ARHGEF10: variants seen among roughly 807,000 people sequenced by gnomAD.
The protein encoded by ARHGEF10 is Rho guanine nucleotide exchange factor 10.
ARHGEF10 carries 140 observed loss-of-function variants against 147.4 expected under a neutral mutation model. The ratio of observed to expected loss-of-function variants is 0.95; its 90% CI spans 0.83 to 1.09. The LOEUF is 1.09. Ranked by LOEUF, ARHGEF10 falls within the 50% of genes least tolerant of loss-of-function variation. The pLI is 0.00. For synonymous variants in ARHGEF10, 902 were observed against 695.8 expected (o/e 1.30, Z -4.67); for missense variants, 2,222 against 1,752.7 (o/e 1.27, Z -4.78).
At chr8:1,903,556 T>G (rs574554461) in intron 16 of ARHGEF10, 105 bp downstream of exon 16, 1 of 1,453,790 alleles carries the variant, frequency 6.9e-7, no homozygotes, top group East Asian at 2.4e-5. Flanking sequence ...TTGGAGTAAT[T>G]CCCTTCGCCC....
At chr8:1,850,550 G>A (rs1324498487) in intron 2 of ARHGEF10, among the ~76,000 whole-genome samples, 1 of 151,206 alleles carries the variant, frequency 6.6e-6, no homozygotes, top group African/African-American at 2.4e-5. Flanking sequence ...TGGGGCAGCT[G>A]CGTGGACACA....
intron 3 of ARHGEF10, 62 bp from the exon 4 acceptor site, chr8:1,859,835 G>A: frequency 1.9e-6 from 3 of 1,578,440 alleles, no homozygotes; most frequent in Non-Finnish European, 2.6e-6. Context: ...TGCGCTCCAG[G>A]AGGGCATGCC....
intron 1 of ARHGEF10, among the ~76,000 whole-genome samples, chr8:1,830,262 T>TCAGGCGGCTCATTTCCCGTGGCGCC (rs1803012938): frequency 6.7e-6 from 1 of 149,516 alleles, no homozygotes; most frequent in African/African-American, 2.5e-5. Flanking sequence ...CCCGTGGGGC[T>TCAGGCGGCTCATTTCCCGTGGCGCC]CAGGCGGCTC....
At chr8:1,888,655 A>G (rs76810218) in intron 11 of ARHGEF10, among the ~76,000 whole-genome samples, 1,158 of 91,728 alleles carry the variant, frequency 0.013, 93 homozygotes, top group Non-Finnish European at 0.016. Flanking sequence ...GTCCTGAGGA[A>G]ACACTGAGTT....
intron 21 of ARHGEF10, among the ~76,000 whole-genome samples, 188 bp from the exon 22 acceptor site, chr8:1,925,095 A>G (rs1812583844): frequency 6.6e-6 from 1 of 152,194 alleles, no homozygotes; most frequent in African/African-American, 2.4e-5. Flanking sequence ...CTTCTAAAAT[A>G]ATGCCACGAA....
intron 14 of ARHGEF10, 50 bp from the exon 15 acceptor site, chr8:1,898,383 G>A (rs756682281): frequency 3.2e-6 from 5 of 1,544,222 alleles, no homozygotes; most frequent in Middle Eastern, 1.7e-4. Context: ...CAGGGGCAGG[G>A]AGGGCATGGC....
chr8:1,911,735 C>T (rs897662124), intron 18 of ARHGEF10, among the ~76,000 whole-genome samples: 1 of 152,148 alleles, frequency 6.6e-6, no homozygotes, highest in African/African-American at 2.4e-5. Flanking sequence ...ATGAGTGCCA[C>T]GCTGCAGCCG....
Position 1,876,313 on chromosome 8 carries a change from C to T in ARHGEF10, c.680-258C>T, listed in dbSNP as rs183513519. 9.7e-4 allele frequency: 526 copies of T among 544,538 alleles called. 1 individual carries two copies. Among genetic ancestry groups the T allele is most frequent in the African/African-American group, 7.8e-3 (413 of 52,862 alleles). The allele number at this position is 544,538 out of a possible 1,614,324, so 33.7% of individuals were successfully genotyped here. A position where few individuals can be genotyped will look rare whatever the true frequency, so the allele number is the denominator to read the frequency against. Reference sequence around the variant, plus strand: ...CGGATGCCCATAGCCAGGTGGTCCTCGGGGTACAGATGGGGCAGGGGCACT... The same window carrying T: ...CGGATGCCCATAGCCAGGTGGTCCTTGGGGTACAGATGGGGCAGGGGCACT... On this transcript the variant is annotated intron_variant, in intron 7 of 28. Coordinates refer to ENST00000349830, the MANE Select transcript of ARHGEF10 (RefSeq NM_014629.4).
intron 18 of ARHGEF10, among the ~76,000 whole-genome samples, chr8:1,910,041 C>T (rs976226543): frequency 1.3e-5 from 2 of 152,112 alleles, no homozygotes; most frequent in African/African-American, 4.8e-5. Context: ...TAACATTGTT[C>T]AGACTGCAGA....
chr8:1,848,173 A>T (rs1355056845), intron 2 of ARHGEF10, among the ~76,000 whole-genome samples: 1 of 152,196 alleles, frequency 6.6e-6, no homozygotes, highest in Non-Finnish European at 1.5e-5. Context: ...CATCGTGCAT[A>T]TTGTATTTGT....
rs1443694609 is a variant in ARHGEF10, at chr8:1,883,023, C to G, written c.1075+274C>G. 2.6e-5 allele frequency among the ~76,000 whole-genome samples: 4 copies of G among 152,140 alleles called. No homozygotes were observed. The East Asian group carries it at 7.7e-4, about 29-fold the overall frequency. On this transcript the variant is annotated intron_variant, in intron 10 of 28. Coordinates refer to ENST00000349830, the MANE Select transcript of ARHGEF10 (RefSeq NM_014629.4). ...GGACATAGGAAGGGCTGTGCAGGGGCCTCTGTCACTGTGGATTCTTAGTAT... is the reference window on the plus strand; with the variant it reads ...GGACATAGGAAGGGCTGTGCAGGGGGCTCTGTCACTGTGGATTCTTAGTAT...
Position 1,957,441 on chromosome 8 carries a change from T to TCTG in ARHGEF10, c.*179_*181dup. On this transcript the variant is annotated 3_prime_UTR_variant, in exon 29 of 29. Transcript: ENST00000349830. ...GTCCCTGCCAATTCCTTCCTTCTCT[T>TCTG]CTGTACAGCAGAAGTAATTACAAGC... The TCTG allele has an allele frequency of 2.3e-6, 2 of 878,424 alleles. No homozygotes were observed. The highest frequency in any genetic ancestry group is 3.4e-6 in the Non-Finnish European group (2 of 581,642). 54.4% of individuals were successfully genotyped at this position (878,424 alleles called of 1,614,324 possible). A position where few individuals can be genotyped will look rare whatever the true frequency, so the allele number is the denominator to read the frequency against.
intron 23 of ARHGEF10, among the ~76,000 whole-genome samples, chr8:1,927,665 A>G (rs1339244551): frequency 1.3e-5 from 2 of 152,240 alleles, no homozygotes; most frequent in Non-Finnish European, 2.9e-5. Flanking sequence ...CTGTAATCCC[A>G]GCACTTTGGG....
intron 18 of ARHGEF10, among the ~76,000 whole-genome samples, chr8:1,919,633 G>A (rs1365033566): frequency 5.5e-5 from 8 of 145,260 alleles, no homozygotes; most frequent in Non-Finnish European, 1.5e-5. Flanking sequence ...TGACAGAGCT[G>A]TTCTGTGGGT....
At chr8:1,869,124 C>G in intron 6 of ARHGEF10, 70 bp from the exon 7 acceptor site, 1 of 1,337,166 alleles carries the variant, frequency 7.5e-7, no homozygotes, top group South Asian at 1.2e-5. Context: ...GCGACTGTGG[C>G]CCTGTAAAAT....
At chr8:1,868,514 G>T (rs998708022) in intron 6 of ARHGEF10, among the ~76,000 whole-genome samples, 1 of 152,162 alleles carries the variant, frequency 6.6e-6, no homozygotes, top group African/African-American at 2.4e-5. Context: ...GTCCTGTGTG[G>T]TCATCTCATA....
At position 1,957,474 on chromosome 8, in the gene ARHGEF10, A is replaced by G; in HGVS notation, c.*211A>G. ...GCAGAAGTAATTACAAGCACTTCTC[A>G]CGAAGGCAGAAGACTGATGCAATTT... On this transcript the variant is annotated 3_prime_UTR_variant, in exon 29 of 29. Coordinates refer to ENST00000349830, the MANE Select transcript of ARHGEF10 (RefSeq NM_014629.4). 1.4e-6 allele frequency: 1 copy of G among 710,106 alleles called. No homozygotes were observed. Among genetic ancestry groups the G allele is most frequent in the South Asian group, 1.9e-5 (1 of 52,572 alleles). The allele number at this position is 710,106 out of a possible 1,614,324, so 44.0% of individuals were successfully genotyped here. A position where few individuals can be genotyped will look rare whatever the true frequency, so the allele number is the denominator to read the frequency against.
intron 18 of ARHGEF10, among the ~76,000 whole-genome samples, chr8:1,922,695 C>T (rs1459840725): frequency 3.3e-5 from 5 of 152,176 alleles, no homozygotes; most frequent in African/African-American, 7.2e-5. Context: ...GGTCATGATA[C>T]GCTTGCGTCA....
chr8:1,918,057 G>A (rs1563282466), intron 18 of ARHGEF10, among the ~76,000 whole-genome samples: 1 of 152,104 alleles, frequency 6.6e-6, no homozygotes, highest in Non-Finnish European at 1.5e-5. Context: ...CAAAGTGCTG[G>A]GATTATAGGC....
Sources: allele counts gnomAD v4.1 joint callset (sites outside exome capture counted in the v4.1 genomes callset), GRCh38; gene constraint gnomAD v4.1.1; transcripts MANE v1.5; gene names NCBI Gene and HGNC (gene_info 2026-07-23, HGNC 2026-07-21).